Variants in EVI5L observed in about 807,000 individuals in gnomAD.
EVI5L encodes ecotropic viral integration site 5 like.
EVI5L carries 30 observed loss-of-function variants against 106.1 expected under a neutral mutation model. The observed-to-expected ratio is 0.28, with a 90% confidence interval of 0.21 to 0.38. The LOEUF is 0.38. Ranked by LOEUF, EVI5L falls within the 10% of genes least tolerant of loss-of-function variation. The pLI is 1.00. For synonymous variants in EVI5L, 489 were observed against 483.3 expected (o/e 1.01, Z -0.15); for missense variants, 809 against 1,098.0 (o/e 0.74, Z 3.72).
At position 7,850,165 on chromosome 19, in the gene EVI5L, C is replaced by T; in HGVS notation, c.753+43C>T. The stretch of plus-strand genomic sequence containing the variant: ...AGAGCAGGGCTGCAGGAGGGCAGGG[C>T]CACAGGTGGGCAGGGCCGCAAGGGA... On this transcript the variant is annotated intron_variant, in intron 6 of 19. Coordinates refer to ENST00000538904, the MANE Select transcript of EVI5L (RefSeq NM_001159944.3). The surrounding 1 kb of genome is among the most constrained non-coding windows in gnomAD (Gnocchi z 5.4). 1 of 1,577,732 alleles carries T rather than the reference C, an allele frequency of 6.3e-7. No individual in the cohort carries two copies. The highest frequency in any genetic ancestry group is 8.6e-7 in the Non-Finnish European group (1 of 1,162,962).
intron 1 of EVI5L, among the ~76,000 whole-genome samples, chr19:7,842,718 G>A (rs1978689697): frequency 6.6e-6 from 1 of 152,048 alleles, no homozygotes. Flanking sequence ...ATGTGCACGA[G>A]TATGTGTGTA....
chr19:7,834,043 A>T (rs2335861), intron 1 of EVI5L, among the ~76,000 whole-genome samples: 11,613 of 152,206 alleles, frequency 0.076, 535 homozygotes, highest in East Asian at 0.11. Flanking sequence ...TATGCTTGTG[A>T]GAGTGTTTGA....
chr19:7,849,414 T>A, intron 5 of EVI5L, 84 bp downstream of exon 5: 2 of 1,448,716 alleles, frequency 1.4e-6, no homozygotes, highest in African/African-American at 2.8e-5. Flanking sequence ...AGAAGTGGCG[T>A]GTCCTCCACC....
intron 1 of EVI5L, among the ~76,000 whole-genome samples, chr19:7,832,455 G>T (rs1599556896): frequency 6.6e-6 from 1 of 152,174 alleles, no homozygotes; most frequent in Non-Finnish European, 1.5e-5. Flanking sequence ...AGCTCATTGC[G>T]GCTCAGTACC....
rs1304191765 is a variant in EVI5L, at chr19:7,858,042, C to T, written c.1234-149C>T. ...ACCCACGTCCCCAGGCCCAGTGGGA[C>T]GCTCATCCCAGGCTCTGAGTACGGG... is the stretch of plus-strand genomic sequence containing the variant. On this transcript the variant is annotated intron_variant, in intron 12 of 19. Transcript: ENST00000538904. This position sits in a 1 kb window ranked among gnomAD's most constrained non-coding sequence, Gnocchi z 5.7. 1.3e-5 allele frequency: 12 copies of T among 893,500 alleles called. No individual in the cohort carries two copies. The highest frequency in any genetic ancestry group is 3.5e-4 in the Middle Eastern group (1 of 2,876). 55.3% of individuals were successfully genotyped at this position (893,500 alleles called of 1,614,324 possible). A position where few individuals can be genotyped will look rare whatever the true frequency, so the allele number is the denominator to read the frequency against.
rs761718634 is a variant in EVI5L, at chr19:7,847,815, C to T, written c.221C>T (p.Ser74Leu). The T allele has an allele frequency of 5.6e-6, 9 of 1,612,112 alleles. No individual in the cohort carries two copies. The highest frequency in any genetic ancestry group is 4.0e-5 in the African/African-American group (3 of 74,860). ...NSGSSLVSSSSASSNLSHLEE... is the reference protein window; with the variant it reads ...NSGSSLVSSSLASSNLSHLEE... ...GGCTCCTCGCTAGTGTCCAGCTCCT[C>T]GGCCTCCTCCAACCTGAGCCACCTG... The change falls in exon 3 of 20, where the codon TCG (serine) becomes TTG (leucine). Residue 74 changes from serine (S) to leucine (L), a missense_variant. Physicochemically the swap from Ser to Leu is moderately radical, Grantham distance 145. Transcript: ENST00000538904.
In EVI5L at chr19:7,863,674, C is replaced by G. The variant is rs577631697; in HGVS notation, c.2390C>G (p.Ala797Gly). Residue 797 changes from alanine to glycine, a missense_variant, in exon 20 of 20, where the codon GCG (alanine) becomes GGG (glycine). By Grantham distance (60) the Ala-to-Gly change is moderately conservative. Transcript: ENST00000538904. This position sits in a 1 kb window ranked among gnomAD's most constrained non-coding sequence, Gnocchi z 7.7. The part of the protein sequence containing the change: ...SSDSDADELA[A>G]PYSQGLDN ...GACAGCGACGCCGATGAGCTGGCCG[C>G]GCCCTACAGCCAGGGTCTGGACAAC... 2 of 1,527,082 alleles carry G rather than the reference C, an allele frequency of 1.3e-6. No homozygotes were observed. Among genetic ancestry groups the G allele is most frequent in the Admixed American group, 4.0e-5 (2 of 49,580 alleles). The allele number at this position is 1,527,082 out of a possible 1,614,324, so 94.6% of individuals were successfully genotyped here.
At chr19:7,841,266 C>T (rs1321571541) in intron 1 of EVI5L, among the ~76,000 whole-genome samples, 1 of 152,042 alleles carries the variant, frequency 6.6e-6, no homozygotes, top group African/African-American at 2.4e-5. Context: ...TACATTTGGT[C>T]ATTTAAGCCC....
At position 7,857,099 on chromosome 19, in the gene EVI5L, C is replaced by A; in HGVS notation, c.1208C>A (p.Ala403Asp). ...ACCCCCTTCGCCGGGTAGGAGAGCG[C>A]TGCTCTGGCTGATAGGTTAATCCAG... The part of the protein sequence containing the change: ...QRIETLEKES[A>D]ALADRLIQGQ... Residue 403 changes from alanine to aspartate, a missense_variant, in exon 12 of 20, where the codon GCT becomes GAT. Transcript: ENST00000538904. The surrounding 1 kb of genome is among the most constrained non-coding windows in gnomAD (Gnocchi z 4.5). 1 of 1,551,826 alleles carries A rather than the reference C, an allele frequency of 6.4e-7. No homozygotes were observed. The highest frequency in any genetic ancestry group is 8.7e-7 in the Non-Finnish European group (1 of 1,147,014).
In EVI5L at chr19:7,850,365, G is replaced by A. The variant is rs1019269488; in HGVS notation, c.753+243G>A. ...GAGGAACAGGAGAGCCACCACTGAA[G>A]GGGGGCTCCCAGGGCTGCTGAGGCA... is the stretch of plus-strand genomic sequence containing the variant. On this transcript the variant is annotated intron_variant, in intron 6 of 19. Transcript: ENST00000538904. The surrounding 1 kb of genome is among the most constrained non-coding windows in gnomAD (Gnocchi z 5.4). Among the ~76,000 whole-genome samples, 6 of 152,312 alleles carry A rather than the reference G, an allele frequency of 3.9e-5. No homozygotes were observed. The highest frequency in any genetic ancestry group is 3.3e-4 in the Admixed American group (5 of 15,306).
At position 7,858,530 on chromosome 19, in the gene EVI5L, T is replaced by C. The variant is rs1979649179; in HGVS notation, c.1374+199T>C. The stretch of plus-strand genomic sequence containing the variant: ...ACATTCTGAGACATCCTGATATCCA[T>C]TTCTTGCCACCTCATAGTGTGTCTG... On this transcript the variant is annotated intron_variant, in intron 13 of 19. Coordinates refer to ENST00000538904, the MANE Select transcript of EVI5L (RefSeq NM_001159944.3). This position sits in a 1 kb window ranked among gnomAD's most constrained non-coding sequence, Gnocchi z 5.7. The C allele has an allele frequency of 1.4e-6, 1 of 690,490 alleles. No homozygotes were observed. Among genetic ancestry groups the C allele is most frequent in the Non-Finnish European group, 2.4e-6 (1 of 423,762 alleles). 42.8% of individuals were successfully genotyped at this position (690,490 alleles called of 1,614,324 possible).
At position 7,846,548 on chromosome 19, in the gene EVI5L, G is replaced by A. The variant is rs754874188; in HGVS notation, c.6G>A (p.Ala2=). 7.5e-6 allele frequency: 12 copies of A among 1,608,588 alleles called. No homozygotes were observed. In the East Asian group the frequency reaches 1.6e-4, roughly 21 times the overall value. Residue 2 remains alanine (A), a synonymous_variant, in exon 2 of 20, where the codon GCG becomes GCA. Coordinates refer to ENST00000538904, the MANE Select transcript of EVI5L (RefSeq NM_001159944.3). ...GGCTAACAAGCCCACCCACCATGGC[G>A]AGCCCCACTCTGAGCCCCGACTCCT... M[A]SPTLSPDSSS...
At chr19:7,832,273 CTG>C (rs904703747) in intron 1 of EVI5L, among the ~76,000 whole-genome samples, 6 of 152,240 alleles carry the variant, frequency 3.9e-5, no homozygotes, top group African/African-American at 1.4e-4. Flanking sequence ...TGGCGCGACA[CTG>C]TGGCCAGGAC....
At chr19:7,836,999 A>C (rs1599559429) in intron 1 of EVI5L, among the ~76,000 whole-genome samples, 1 of 151,512 alleles carries the variant, frequency 6.6e-6, no homozygotes, top group Non-Finnish European at 1.5e-5. Context: ...GGAGTTCAAG[A>C]CCAGCCTGGG....
chr19:7,853,472 C>A, intron 10 of EVI5L, 139 bp downstream of exon 10: 1 of 1,118,542 alleles, frequency 8.9e-7, no homozygotes, highest in East Asian at 2.6e-5. Context: ...GACAGGCCTC[C>A]GCCCACCTGC....
At chr19:7,832,219 C>G (rs886784768) in intron 1 of EVI5L, among the ~76,000 whole-genome samples, 1 of 152,170 alleles carries the variant, frequency 6.6e-6, no homozygotes, top group Non-Finnish European at 1.5e-5. Context: ...TCGCAGGTGG[C>G]TTGGCCCTGG....
rs520802 is a variant in EVI5L at position 7,850,565 on chromosome 19, A to C, written c.753+443A>C. ...CTCCCGGCTGGCAGGCAGAGCCGCC[A>C]AGGCCGTTTGCGAACATACACACAC... On this transcript the variant is annotated intron_variant, in intron 6 of 19. Transcript: ENST00000538904. The surrounding 1 kb of genome is among the most constrained non-coding windows in gnomAD (Gnocchi z 5.4). Among the ~76,000 whole-genome samples the C allele has an allele frequency of 0.56, 85,283 of 151,998 alleles. 24,163 individuals are homozygous for C. The highest frequency in any genetic ancestry group is 0.77 in the South Asian group (3,725 of 4,826).
chr19:7,863,938 C>T lies in EVI5L; in HGVS notation c.*236C>T, dbSNP rs548684579. 1.6e-5 allele frequency: 8 copies of T among 509,154 alleles called. No homozygotes were observed. The highest frequency in any genetic ancestry group is 1.1e-4 in the South Asian group (3 of 26,312). The allele number at this position is 509,154 out of a possible 1,614,324, so 31.5% of individuals were successfully genotyped here. On this transcript the variant is annotated 3_prime_UTR_variant, in exon 20 of 20. Transcript: ENST00000538904. The surrounding 1 kb of genome is among the most constrained non-coding windows in gnomAD (Gnocchi z 7.7). ...TGTTTACCCATCTTGGTCTGTACCC[C>T]TCCGGGCCCTCTGGCGTTCCAGGGG... is the stretch of plus-strand genomic sequence containing the variant.
At chr19:7,859,490 C>T (rs922844703) in intron 13 of EVI5L, among the ~76,000 whole-genome samples, 3 of 152,246 alleles carry the variant, frequency 2.0e-5, no homozygotes, top group East Asian at 1.9e-4. Flanking sequence ...CCCAGGGATT[C>T]TAGCGGATCC....
Sources: allele counts gnomAD v4.1 joint callset (sites outside exome capture counted in the v4.1 genomes callset), GRCh38; gene constraint gnomAD v4.1.1; non-coding constraint Gnocchi (gnomAD v3.1); transcripts MANE v1.5; gene names NCBI Gene and HGNC (gene_info 2026-07-23, HGNC 2026-07-21).